Variants in ADAMTSL1 observed in about 807,000 individuals in gnomAD.
The protein encoded by ADAMTSL1 is ADAMTS-like protein 1.
A neutral mutation model predicts 201.8 loss-of-function variants in ADAMTSL1; 126 were observed. That is an observed-to-expected ratio of 0.62 (90% CI 0.54 to 0.72). ADAMTSL1 has a LOEUF of 0.72. Among genes scored for constraint, ADAMTSL1 ranks in the 30% least tolerant of loss-of-function variants. The pLI is 0.00. For synonymous variants in ADAMTSL1, 1,121 were observed against 903.4 expected (o/e 1.24, Z -4.32); for missense variants, 2,679 against 2,277.8 (o/e 1.18, Z -3.59).
intron 7 of ADAMTSL1, among the ~76,000 whole-genome samples, chr9:18,645,416 G>T (rs1587783437): frequency 1.3e-5 from 2 of 151,840 alleles, no homozygotes; most frequent in Admixed American, 6.6e-5. Context: ...GTCAGTTTTG[G>T]CTTTTGTTGC....
chr9:18,299,606 G>C (rs530027709), intron 2 of ADAMTSL1, among the ~76,000 whole-genome samples: 1 of 152,118 alleles, frequency 6.6e-6, no homozygotes, highest in Non-Finnish European at 1.5e-5. Context: ...ATAATGGGAC[G>C]TGCTCACCAG....
intron 1 of ADAMTSL1, among the ~76,000 whole-genome samples, chr9:17,922,084 A>AG (rs1826325091): frequency 1.7e-5 from 1 of 59,282 alleles, no homozygotes; most frequent in African/African-American, 5.5e-5. Context: ...ATTGCAGTTC[A>AG]GGCTTTTTTT....
chr9:18,639,044 AC>A (rs1474178183), intron 6 of ADAMTSL1, among the ~76,000 whole-genome samples: 8 of 152,140 alleles, frequency 5.3e-5, no homozygotes, highest in Non-Finnish European at 1.0e-4. Flanking sequence ...CTGGCTAATG[AC>A]TTTTGAAATA....
At chr9:18,658,278 A>T (rs1195224478) in intron 8 of ADAMTSL1, among the ~76,000 whole-genome samples, 1 of 152,102 alleles carries the variant, frequency 6.6e-6, no homozygotes, top group East Asian at 1.9e-4. Context: ...CCGACCGAGG[A>T]AACAGTCTTT....
chr9:18,228,974 G>A (rs1830539917), intron 2 of ADAMTSL1, among the ~76,000 whole-genome samples: 1 of 150,564 alleles, frequency 6.6e-6, no homozygotes, highest in South Asian at 2.1e-4. Flanking sequence ...TCCTTTGCTT[G>A]TTTCTCTTCA....
At chr9:18,564,441 G>C (rs547060450) in intron 3 of ADAMTSL1, among the ~76,000 whole-genome samples, 1 of 152,032 alleles carries the variant, frequency 6.6e-6, no homozygotes, top group Admixed American at 6.5e-5. Context: ...CTGCAGACCA[G>C]AGCTGTTCCT....
chr9:17,971,726 C>A (rs1190966001), intron 1 of ADAMTSL1, among the ~76,000 whole-genome samples: 1 of 151,708 alleles, frequency 6.6e-6, no homozygotes, highest in African/African-American at 2.4e-5. Flanking sequence ...TTTGGTAGTT[C>A]TTCTGCCTGT....
intron 2 of ADAMTSL1, among the ~76,000 whole-genome samples, chr9:18,167,010 C>G (rs1456418110): frequency 6.6e-6 from 1 of 151,946 alleles, no homozygotes; most frequent in Non-Finnish European, 1.5e-5. Context: ...CTTTGAGAAG[C>G]TATTTAAGTG....
chr9:18,467,814 A>T (rs1233192673), intron 2 of ADAMTSL1, among the ~76,000 whole-genome samples: 2 of 152,208 alleles, frequency 1.3e-5, no homozygotes, highest in Non-Finnish European at 2.9e-5. Flanking sequence ...CTGGAAGCAG[A>T]TCAGGGAGGT....
intron 2 of ADAMTSL1, among the ~76,000 whole-genome samples, chr9:18,352,052 G>A (rs1835988249): frequency 6.6e-6 from 1 of 151,854 alleles, no homozygotes; most frequent in South Asian, 2.1e-4. Context: ...TAGTGGCTAG[G>A]GTTTAACAAA....
chr9:18,661,809 T>A, intron 8 of ADAMTSL1, 126 bp from the exon 9 acceptor site: 1 of 1,054,948 alleles, frequency 9.5e-7, no homozygotes, highest in Non-Finnish European at 1.3e-6. Flanking sequence ...TTATGTGTCT[T>A]TTTTCCTGGA....
chr9:18,026,643 C>T (rs1209356899), intron 1 of ADAMTSL1, among the ~76,000 whole-genome samples: 1 of 152,006 alleles, frequency 6.6e-6, no homozygotes, highest in Non-Finnish European at 1.5e-5. Context: ...CTGTGTTCAG[C>T]AGGTATATTG....
At chr9:18,879,144 T>C (rs1828365699) in intron 23 of ADAMTSL1, among the ~76,000 whole-genome samples, 1 of 152,200 alleles carries the variant, frequency 6.6e-6, no homozygotes, top group Non-Finnish European at 1.5e-5. Flanking sequence ...GCCCTGGCAC[T>C]TGGCTTTGTG....
intron 4 of ADAMTSL1, among the ~76,000 whole-genome samples, chr9:18,580,246 A>G (rs1325974733): frequency 6.6e-6 from 1 of 152,188 alleles, no homozygotes; most frequent in Non-Finnish European, 1.5e-5. Context: ...CAGAGTTTTG[A>G]TGTCTTTATT....
chr9:18,389,064 T>C (rs78558417), intron 2 of ADAMTSL1, among the ~76,000 whole-genome samples: 7,196 of 152,240 alleles, frequency 0.047, 178 homozygotes, highest in Middle Eastern at 0.078. Flanking sequence ...CCTAATAGCA[T>C]TGAATTTTAA....
chr9:18,445,771 G>T (rs11788507), intron 2 of ADAMTSL1, among the ~76,000 whole-genome samples: 12,047 of 151,978 alleles, frequency 0.079, 646 homozygotes, highest in Non-Finnish European at 0.12. Flanking sequence ...AATGTATTTA[G>T]AAAATCCAAT....
At chr9:18,658,672 G>A (rs934777861) in intron 8 of ADAMTSL1, among the ~76,000 whole-genome samples, 3 of 152,050 alleles carry the variant, frequency 2.0e-5, no homozygotes, top group Admixed American at 6.5e-5. Context: ...ACTAGAAAAG[G>A]CTTTTGTGTT....
chr9:18,526,354 C>T (rs1162660621), intron 2 of ADAMTSL1, among the ~76,000 whole-genome samples: 2 of 152,170 alleles, frequency 1.3e-5, no homozygotes, highest in East Asian at 3.8e-4. Context: ...GATGGGTCTC[C>T]TGAATACAGC....
intron 2 of ADAMTSL1, among the ~76,000 whole-genome samples, chr9:18,200,337 A>G (rs962695121): frequency 3.3e-5 from 5 of 151,930 alleles, no homozygotes; most frequent in Middle Eastern, 3.2e-3. Flanking sequence ...TGCTTTGATT[A>G]TTATACTCTT....
Sources: allele counts gnomAD v4.1 joint callset (sites outside exome capture counted in the v4.1 genomes callset), GRCh38; gene constraint gnomAD v4.1.1; transcripts MANE v1.5; gene names NCBI Gene and HGNC (gene_info 2026-07-23, HGNC 2026-07-21).